RAPGEF6: variants seen among roughly 807,000 people sequenced by gnomAD.
RAPGEF6 encodes the protein Rap guanine nucleotide exchange factor 6.
A neutral mutation model predicts 171.4 loss-of-function variants in RAPGEF6; 56 were observed. The ratio of observed to expected loss-of-function variants is 0.33; its 90% CI spans 0.26 to 0.41. RAPGEF6 has a LOEUF of 0.41. Ranked by LOEUF, RAPGEF6 falls within the 10% of genes least tolerant of loss-of-function variation. The pLI, the probability that RAPGEF6 is intolerant of heterozygous loss-of-function variation, is 1.00. For synonymous variants in RAPGEF6, 692 were observed against 650.1 expected (o/e 1.06, Z -0.98); for missense variants, 1,674 against 1,921.4 (o/e 0.87, Z 2.41).
chr5:131,539,153 T>G (rs985905884), intron 6 of RAPGEF6, among the ~76,000 whole-genome samples: 1 of 152,196 alleles, frequency 6.6e-6, no homozygotes, highest in Non-Finnish European at 1.5e-5. Context: ...CACTGTCTTA[T>G]ATACAAATAA....
At chr5:131,617,315 AAC>A (rs969375620) in intron 1 of RAPGEF6, among the ~76,000 whole-genome samples, 23 of 142,170 alleles carry the variant, frequency 1.6e-4, no homozygotes, top group Non-Finnish European at 1.6e-4. Flanking sequence ...CACAAAAAAA[AAC>A]CCAATTTGGA....
At position 131,462,109 on chromosome 5, in the gene RAPGEF6, A is replaced by T. The variant is rs1240706711; in HGVS notation, c.2481-21T>A. The T allele has an allele frequency of 2.8e-6, 4 of 1,426,512 alleles. No individual in the cohort carries two copies. The East Asian group carries it at 7.7e-5, about 27-fold the overall frequency. 88.4% of individuals were successfully genotyped at this position (1,426,512 alleles called of 1,614,324 possible). ...AATACCTAAATGGAAAAATTTTTTT[A>T]AATAAATGTATTCATAAATATGATT... is the stretch of plus-strand genomic sequence containing the variant. On this transcript the variant is annotated intron_variant, in intron 18 of 27. Coordinates refer to ENST00000509018, the MANE Select transcript of RAPGEF6 (RefSeq NM_016340.6).
At chr5:131,626,899 A>G (rs1765965075) in intron 1 of RAPGEF6, among the ~76,000 whole-genome samples, 1 of 152,248 alleles carries the variant, frequency 6.6e-6, no homozygotes, top group Non-Finnish European at 1.5e-5. Flanking sequence ...ACATATTGTT[A>G]ATCTATACCT....
chr5:131,503,486 A>C (rs960639762), intron 11 of RAPGEF6, among the ~76,000 whole-genome samples: 1 of 152,174 alleles, frequency 6.6e-6, no homozygotes, highest in Non-Finnish European at 1.5e-5. Context: ...CAAAGCTTAC[A>C]CTCATCTGTT....
At chr5:131,458,945 G>A (rs902742697) in intron 19 of RAPGEF6, among the ~76,000 whole-genome samples, 4 of 152,122 alleles carry the variant, frequency 2.6e-5, no homozygotes, top group Non-Finnish European at 2.9e-5. Flanking sequence ...GAGCCACCGC[G>A]CCCAGACATC....
intron 1 of RAPGEF6, among the ~76,000 whole-genome samples, chr5:131,616,100 G>A (rs978444395): frequency 2.0e-5 from 3 of 151,866 alleles, no homozygotes; most frequent in African/African-American, 7.2e-5. Flanking sequence ...TCTACCTAGG[G>A]GCGAAAAAAA....
intron 5 of RAPGEF6, among the ~76,000 whole-genome samples, chr5:131,555,488 T>C (rs1263203597): frequency 6.6e-6 from 1 of 152,082 alleles, no homozygotes; most frequent in Non-Finnish European, 1.5e-5. Context: ...ACATCTTTAA[T>C]TTTACACAAC....
chr5:131,438,133 C>A lies in RAPGEF6; in HGVS notation c.3745+1448G>T, dbSNP rs1218731659. Among the ~76,000 whole-genome samples the A allele has an allele frequency of 2.0e-4, 31 of 152,186 alleles. 1 individual carries two copies. Among genetic ancestry groups the A allele is most frequent in the Non-Finnish European group, 4.4e-5 (3 of 68,038 alleles). On this transcript the variant is annotated intron_variant, in intron 24 of 27. Coordinates refer to ENST00000509018, the MANE Select transcript of RAPGEF6 (RefSeq NM_016340.6). ...CCTCCTGAGTAGCTGGGACTACAGG[C>A]ATGTGCCACTACCCCTGGCTAATTT...
chr5:131,551,839 T>C (rs1209366939), intron 5 of RAPGEF6, among the ~76,000 whole-genome samples: 4 of 152,084 alleles, frequency 2.6e-5, no homozygotes, highest in African/African-American at 9.7e-5. Context: ...TCCAGGAATA[T>C]AAAGAGTTAA....
At chr5:131,444,529 C>T (rs747623925) in intron 22 of RAPGEF6, among the ~76,000 whole-genome samples, 3 of 152,034 alleles carry the variant, frequency 2.0e-5, no homozygotes, top group Non-Finnish European at 4.4e-5. Context: ...GTTTGGGCTT[C>T]GGATAGTGAC....
chr5:131,428,864 A>T, intron 27 of RAPGEF6, 38 bp downstream of exon 27: 1 of 1,561,112 alleles, frequency 6.4e-7, no homozygotes, highest in Non-Finnish European at 8.8e-7. Flanking sequence ...GTGTTCAGCA[A>T]TTCATTTAAG....
At position 131,498,690 on chromosome 5, in the gene RAPGEF6, T is replaced by C. The variant is rs1756806518; in HGVS notation, c.1255-83A>G. ...AACTATTGTTGATTACTCCGCTTTG[T>C]AGCTACTCCATTAGACAAATCGTCA... On this transcript the variant is annotated intron_variant, in intron 11 of 27. Coordinates refer to ENST00000509018, the MANE Select transcript of RAPGEF6 (RefSeq NM_016340.6). The C allele has an allele frequency of 4.8e-6, 6 of 1,254,858 alleles. No homozygotes were observed. The East Asian group carries it at 7.0e-5, about 15-fold the overall frequency. The allele number at this position is 1,254,858 out of a possible 1,614,324, so 77.7% of individuals were successfully genotyped here. A position where few individuals can be genotyped will look rare whatever the true frequency, so the allele number is the denominator to read the frequency against.
intron 6 of RAPGEF6, among the ~76,000 whole-genome samples, chr5:131,533,210 A>ACACC: frequency 6.9e-6 from 1 of 145,434 alleles, no homozygotes; most frequent in African/African-American, 2.5e-5. Flanking sequence ...ACACACACAC[A>ACACC]CACCCCATCC....
chr5:131,590,916 A>G (rs1005140320), intron 4 of RAPGEF6, among the ~76,000 whole-genome samples: 8 of 152,234 alleles, frequency 5.3e-5, no homozygotes, highest in Non-Finnish European at 7.3e-5. Context: ...TTCAGTTCTC[A>G]GGGACTAACA....
chr5:131,580,803 G>A (rs895580210), intron 4 of RAPGEF6, among the ~76,000 whole-genome samples: 2 of 152,206 alleles, frequency 1.3e-5, no homozygotes, highest in African/African-American at 4.8e-5. Flanking sequence ...CTGACACAAG[G>A]TCTCTTCTTT....
intron 1 of RAPGEF6, among the ~76,000 whole-genome samples, chr5:131,622,241 G>A (rs902652200): frequency 2.6e-5 from 4 of 152,108 alleles, no homozygotes; most frequent in African/African-American, 9.7e-5. Flanking sequence ...CTTGAGAAAA[G>A]CTGCAGTCAT....
chr5:131,517,761 T>C (rs1234518738), intron 7 of RAPGEF6, among the ~76,000 whole-genome samples: 2 of 128,376 alleles, frequency 1.6e-5, no homozygotes, highest in African/African-American at 2.7e-5. Context: ...GAGGATCTGA[T>C]TGGAAACATT....
At position 131,548,160 on chromosome 5, in the gene RAPGEF6, T is replaced by C; in HGVS notation, c.382A>G (p.Ile128Val). 1 of 1,613,998 alleles carries C rather than the reference T, an allele frequency of 6.2e-7. No individual in the cohort carries two copies. Among genetic ancestry groups the C allele is most frequent in the Non-Finnish European group, 8.5e-7 (1 of 1,179,930 alleles). ...VENAKDNEDSILQREIPARQS... is the reference protein window; with the variant it reads ...VENAKDNEDSVLQREIPARQS... ...CTGGCAGGAATTTCTCTTTGTAGAA[T>C]ACTATCTTCATTATCTTTGGCATTC... The change falls in exon 6 of 28, where the codon ATT becomes GTT. Residue 128 changes from isoleucine to valine, a missense_variant. By Grantham distance (29) the Ile-to-Val change is conservative. This residue lies in a region of RAPGEF6 where 1,116 missense variants were observed against 1,321.5 expected (regional missense o/e 0.84). Coordinates refer to ENST00000509018, the MANE Select transcript of RAPGEF6 (RefSeq NM_016340.6).
chr5:131,521,285 G>C (rs1758457873), intron 7 of RAPGEF6, 105 bp downstream of exon 7: 1 of 1,218,582 alleles, frequency 8.2e-7, no homozygotes, highest in Non-Finnish European at 1.1e-6. Context: ...CCTTACGCTT[G>C]AATTTCATAC....
Sources: gnomAD v4.1 joint callset for allele counts (sites outside exome capture counted in the v4.1 genomes callset) on GRCh38, gnomAD v4.1.1 for gene constraint, gnomAD v4.1.1 regional missense constraint, MANE v1.5 for transcripts, NCBI Gene and HGNC (gene_info 2026-07-23, HGNC 2026-07-21) for gene names.